The following JAK1 variants were observed in gnomAD, a reference collection of about 807,000 sequenced individuals.
JAK1 encodes Janus kinase 1.
Under a neutral mutation model 136.6 loss-of-function variants are expected in JAK1, and 16 were observed. The ratio of observed to expected loss-of-function variants is 0.12; its 90% confidence interval spans 0.08 to 0.18. The LOEUF (loss-of-function observed/expected upper bound fraction) is 0.18. Ranked by LOEUF, JAK1 falls within the 10% of genes least tolerant of loss-of-function variation. The pLI is 1.00. For missense variants in JAK1, 859 were observed against 1,450.1 expected (o/e 0.59, Z 6.62); for synonymous variants, 492 against 519.5 (o/e 0.95, Z 0.72).
chr1:64,899,727 A>C lies in JAK1; in HGVS notation c.-77-13386T>G, dbSNP rs142626976. Reference sequence around the variant, plus strand: ...GAAATCTGAAAATTGTCTGGTCTCAAGCATTTCAGATAGGGGATACTCATC... The same window carrying C: ...GAAATCTGAAAATTGTCTGGTCTCACGCATTTCAGATAGGGGATACTCATC... On this transcript the variant is annotated intron_variant, in intron 1 of 24. Coordinates refer to ENST00000342505, the MANE Select transcript of JAK1 (RefSeq NM_002227.4). 5.3e-5 allele frequency among the ~76,000 whole-genome samples: 8 copies of C among 152,348 alleles called. No individual in the cohort carries two copies. The East Asian group carries it at 1.2e-3, about 22-fold the overall frequency.
intron 2 of JAK1, among the ~76,000 whole-genome samples, chr1:65,008,992 A>G (rs1032889641): frequency 6.6e-6 from 1 of 152,180 alleles, no homozygotes; most frequent in Non-Finnish European, 1.5e-5. Context: ...GGCCCTTGTA[A>G]CAAGTCTTAA....
intron 1 of JAK1, among the ~76,000 whole-genome samples, chr1:64,893,345 C>T (rs1217877582): frequency 2.0e-5 from 3 of 152,150 alleles, no homozygotes; most frequent in Non-Finnish European, 2.9e-5. Context: ...TCCACTAGGA[C>T]CTGCCTGGTG....
Position 64,841,455 on chromosome 1 carries a change from C to T in JAK1, c.2550G>A (p.Glu850=). ...AIMRDINKLE[E]QNPDIVSEKK... Reference sequence around the variant, plus strand: ...GCAGCACATGGCAGGTCTTACTCTGCTCTTCAAGCTTATTAATGTCTCTCA... The same window carrying T: ...GCAGCACATGGCAGGTCTTACTCTGTTCTTCAAGCTTATTAATGTCTCTCA... Residue 850 remains glutamate, a synonymous_variant, in exon 18 of 25, where the codon GAG becomes GAA. Coordinates refer to ENST00000342505, the MANE Select transcript of JAK1 (RefSeq NM_002227.4). The T allele has an allele frequency of 6.2e-7, 1 of 1,614,224 alleles. No individual in the cohort carries two copies.
chr1:65,036,569 G>A (rs1484466043), intron 2 of JAK1, among the ~76,000 whole-genome samples: 2 of 152,192 alleles, frequency 1.3e-5, no homozygotes, highest in East Asian at 1.9e-4. Flanking sequence ...TTGTATCTTC[G>A]TGACTGCCCT....
chr1:64,928,511 A>G (rs1645621503), intron 1 of JAK1, among the ~76,000 whole-genome samples: 1 of 152,190 alleles, frequency 6.6e-6, no homozygotes, highest in Non-Finnish European at 1.5e-5. Flanking sequence ...TAAAGAAAGG[A>G]TGTCACTTGA....
At chr1:64,898,477 A>G (rs1015599356) in intron 1 of JAK1, among the ~76,000 whole-genome samples, 5 of 152,222 alleles carry the variant, frequency 3.3e-5, no homozygotes, top group African/African-American at 9.6e-5. Context: ...TAAGGCACCT[A>G]TGTTTCCAGG....
chr1:64,883,185 G>A lies in JAK1; in HGVS notation c.205+92C>T, dbSNP rs1644801482. The A allele has an allele frequency of 1.0e-5, 11 of 1,062,632 alleles. No homozygotes were observed. In the South Asian group the frequency reaches 1.8e-4, roughly 17 times the overall value. The allele number at this position is 1,062,632 out of a possible 1,614,324, so 65.8% of individuals were successfully genotyped here. A position where few individuals can be genotyped will look rare whatever the true frequency, so the allele number is the denominator to read the frequency against. ...GACTCCAGAGTCCACAACTCTTTCT[G>A]CCCAGCAGCGCTACAAGGGGCAGAG... is the stretch of plus-strand genomic sequence containing the variant. On this transcript the variant is annotated intron_variant, in intron 3 of 24. Transcript: ENST00000342505.
intron 8 of JAK1, among the ~76,000 whole-genome samples, chr1:64,864,152 C>G (rs1023832978): frequency 9.2e-5 from 14 of 152,206 alleles, no homozygotes; most frequent in African/African-American, 1.4e-4. Flanking sequence ...GGTGTTGGCT[C>G]CACTCACCTT....
intron 4 of JAK1, among the ~76,000 whole-genome samples, chr1:64,875,234 G>C (rs1657328728): frequency 6.6e-6 from 1 of 152,154 alleles, no homozygotes; most frequent in African/African-American, 2.4e-5. Context: ...AAAGCACCAA[G>C]GAAGGGAAGC....
chr1:64,837,951 G>A lies in JAK1; in HGVS notation c.3121C>T (p.Arg1041Trp), dbSNP rs1180745512. Residue 1041 changes from arginine (R) to tryptophan (W), a missense_variant, in exon 22 of 25, where the codon CGG (arginine) becomes TGG (tryptophan). By Grantham distance (101) the Arg-to-Trp change is moderately radical (BLOSUM62 -3). Transcript: ENST00000342505. ...DKEYYTVKDDRDSPVFWYAPE... is the reference protein window; with the variant it reads ...DKEYYTVKDDWDSPVFWYAPE... ...AGTTACCAAAACACAGGGCTGTCCC[G>A]GTCATCCTTGACGGTGTAATACTCC... is the stretch of plus-strand genomic sequence containing the variant. The A allele has an allele frequency of 1.2e-6, 2 of 1,613,496 alleles. No individual in the cohort carries two copies. The highest frequency in any genetic ancestry group is 1.7e-6 in the Non-Finnish European group (2 of 1,179,566).
intron 2 of JAK1, among the ~76,000 whole-genome samples, chr1:65,001,478 G>A (rs1646755850): frequency 6.6e-6 from 1 of 152,180 alleles, no homozygotes; most frequent in Non-Finnish European, 1.5e-5. Flanking sequence ...CCAACGCTCG[G>A]AGGAAGTCAC....
chr1:64,843,460 C>T (rs1570617918), intron 17 of JAK1, among the ~76,000 whole-genome samples: 2 of 152,194 alleles, frequency 1.3e-5, no homozygotes, highest in Admixed American at 1.3e-4. Flanking sequence ...AGCTGAGGAA[C>T]CCAGGTAAGT....
chr1:64,883,603 C>T, intron 2 of JAK1, 128 bp from the exon 3 acceptor site: 2 of 660,940 alleles, frequency 3.0e-6, no homozygotes. Flanking sequence ...TACCTCTCCC[C>T]TGCCCCTTCC....
At chr1:64,915,259 G>A (rs1352893942) in intron 1 of JAK1, among the ~76,000 whole-genome samples, 2 of 151,934 alleles carry the variant, frequency 1.3e-5, no homozygotes, top group African/African-American at 4.8e-5. Context: ...TTCTGTTTAA[G>A]ACCAAATTCA....
At chr1:64,900,295 GA>G (rs1317156205) in intron 1 of JAK1, among the ~76,000 whole-genome samples, 13 of 152,218 alleles carry the variant, frequency 8.5e-5, no homozygotes, top group African/African-American at 3.1e-4. Context: ...TTCTAGCATG[GA>G]ATTATTCCAA....
Position 64,867,167 on chromosome 1 carries a change from C to T in JAK1, c.689G>A (p.Arg230Lys). 1 of 1,608,414 alleles carries T rather than the reference C, an allele frequency of 6.2e-7. No individual in the cohort carries two copies. Among genetic ancestry groups the T allele is most frequent in the South Asian group, 1.1e-5 (1 of 90,998 alleles). ...YIPETLNKSI[R>K]QRNLLTRMRI... ...CATCCTGGTGAGAAGGTTCCTCTGTCTGATGGACTTATTCAATGTTTCTGG... is the reference window on the plus strand; with the variant it reads ...CATCCTGGTGAGAAGGTTCCTCTGTTTGATGGACTTATTCAATGTTTCTGG... Residue 230 changes from arginine to lysine, a missense_variant, in exon 7 of 25, where the codon AGA becomes AAA. Physicochemically the swap from Arg to Lys is conservative, Grantham distance 26 (BLOSUM62 2). This residue lies in a region of JAK1 where 353 missense variants were observed against 494.0 expected (regional missense o/e 0.71). Transcript: ENST00000342505.
chr1:65,067,255 G>A (rs1648097249), intron 1 of JAK1, among the ~76,000 whole-genome samples: 2 of 150,486 alleles, frequency 1.3e-5, no homozygotes, highest in Admixed American at 6.6e-5. Context: ...GGGCAGTGGC[G>A]CGCCCTCGGC....
chr1:64,839,669 T>C lies in JAK1; in HGVS notation c.2776A>G (p.Ile926Val), dbSNP rs2100960313. The C allele has an allele frequency of 6.2e-7, 1 of 1,614,208 alleles. No homozygotes were observed. The highest frequency in any genetic ancestry group is 8.5e-7 in the Non-Finnish European group (1 of 1,180,024). The part of the protein sequence containing the change: ...GNHIADLKKE[I>V]EILRNLYHEN... ...TGATAGAGGTTCCTTAAGATCTCGA[T>C]TTCCTTTTTCAGATCAGCTATGTGG... The change falls in exon 20 of 25, where the codon ATC becomes GTC. Residue 926 changes from isoleucine (I) to valine (V), a missense_variant. This residue lies in a region of JAK1 where 409 missense variants were observed against 753.8 expected (regional missense o/e 0.54). Transcript: ENST00000342505.
chr1:64,943,640 A>G (rs959307995), intron 1 of JAK1, among the ~76,000 whole-genome samples: 1 of 152,194 alleles, frequency 6.6e-6, no homozygotes, highest in African/African-American at 2.4e-5. Context: ...TTGTAGAATT[A>G]GAGGCATCAA....
Sources: allele counts gnomAD v4.1 joint callset (sites outside exome capture counted in the v4.1 genomes callset), GRCh38; gene constraint gnomAD v4.1.1; regional missense constraint gnomAD v4.1.1; transcripts MANE v1.5; gene names NCBI Gene and HGNC (gene_info 2026-07-23, HGNC 2026-07-21).